Variants in SLC38A6 observed in about 807,000 individuals in gnomAD.
SLC38A6 encodes the protein N system amino acid transporter NAT-1.
In SLC38A6, 73 loss-of-function variants were observed where a neutral mutation model predicts 65.0. That is an observed-to-expected ratio of 1.12 (90% CI 0.93 to 1.37). The LOEUF (loss-of-function observed/expected upper bound fraction) is 1.37. Ranked by LOEUF, SLC38A6 falls within the 40% of genes most tolerant of loss-of-function variation. The pLI is 0.00. For missense variants in SLC38A6, 561 were observed against 531.1 expected, an observed-to-expected ratio of 1.06 and a Z score of -0.55; for synonymous variants, 183 against 178.8, an observed-to-expected ratio of 1.02 and a Z score of -0.19.
chr14:61,025,904 T>C (rs2040585566), intron 5 of SLC38A6, among the ~76,000 whole-genome samples: 1 of 152,162 alleles, frequency 6.6e-6, no homozygotes, highest in African/African-American at 2.4e-5. Context: ...GAAATAAAAT[T>C]GAATCTCTCT....
At chr14:61,027,511 T>C (rs1265491812) in intron 5 of SLC38A6, among the ~76,000 whole-genome samples, 1 of 152,114 alleles carries the variant, frequency 6.6e-6, no homozygotes, top group Non-Finnish European at 1.5e-5. Flanking sequence ...ATAAAAGACA[T>C]AAGACAAAAA....
intron 8 of SLC38A6, among the ~76,000 whole-genome samples, chr14:61,040,160 C>A (rs2041702456): frequency 6.6e-6 from 1 of 151,758 alleles, no homozygotes; most frequent in Non-Finnish European, 1.5e-5. Flanking sequence ...CGTCGGTAAT[C>A]CAGTTAGACA....
chr14:61,000,627 C>T lies in SLC38A6; in HGVS notation c.311-15277C>T, dbSNP rs28452506. Among the ~76,000 whole-genome samples, 800 of 152,230 alleles carry T rather than the reference C, an allele frequency of 5.3e-3. 6 individuals carry two copies. The highest frequency in any genetic ancestry group is 0.017 in the African/African-American group (722 of 41,558). On this transcript the variant is annotated intron_variant, in intron 3 of 15. Transcript: ENST00000267488. ...AGCCTGGGCGACAAGAGTGAAACTC[C>T]ACTTCCAAGGGAAAAAAAAAATTCT...
chr14:61,021,186 G>T (rs564874711), intron 5 of SLC38A6, among the ~76,000 whole-genome samples: 2 of 152,132 alleles, frequency 1.3e-5, no homozygotes, highest in South Asian at 4.1e-4. Context: ...TATTACACCT[G>T]GGAATTGATA....
intron 3 of SLC38A6, among the ~76,000 whole-genome samples, chr14:61,005,988 C>G (rs1292732548): frequency 6.6e-6 from 1 of 152,046 alleles, no homozygotes; most frequent in East Asian, 1.9e-4. Context: ...AGATATAGAT[C>G]AATGGAACAG....
chr14:60,985,319 A>G (rs2037375032), intron 3 of SLC38A6, among the ~76,000 whole-genome samples: 1 of 152,248 alleles, frequency 6.6e-6, no homozygotes, highest in Non-Finnish European at 1.5e-5. Context: ...AGAAATAAGT[A>G]TGTGCAGTTA....
chr14:61,001,560 C>T (rs1166793379), intron 3 of SLC38A6, among the ~76,000 whole-genome samples: 2 of 152,158 alleles, frequency 1.3e-5, no homozygotes, highest in East Asian at 3.9e-4. Context: ...GAACTTAGAA[C>T]AGTTCCCCAC....
At chr14:61,031,602 A>G (rs571361929) in intron 6 of SLC38A6, among the ~76,000 whole-genome samples, 23 of 152,094 alleles carry the variant, frequency 1.5e-4, no homozygotes, top group Non-Finnish European at 3.4e-4. Context: ...TTCCACATGC[A>G]TTATCACATC....
chr14:61,027,403 A>C (rs1006158750), intron 5 of SLC38A6, among the ~76,000 whole-genome samples: 1 of 152,076 alleles, frequency 6.6e-6, no homozygotes, highest in Non-Finnish European at 1.5e-5. Context: ...TTGTTTTAGG[A>C]ATCTATACTA....
intron 3 of SLC38A6, among the ~76,000 whole-genome samples, chr14:61,010,860 A>G (rs1485520414): frequency 1.3e-5 from 2 of 152,186 alleles, no homozygotes; most frequent in African/African-American, 2.4e-5. Flanking sequence ...TGATTTGGCA[A>G]TGCGGGCTCT....
At chr14:60,981,648 A>G (rs2037032626) in intron 1 of SLC38A6, 3 of 1,436,436 alleles carry the variant, frequency 2.1e-6, no homozygotes, top group Non-Finnish European at 2.8e-6. Context: ...AGCTGCGAAC[A>G]TGATGGGATG....
intron 15 of SLC38A6, among the ~76,000 whole-genome samples, chr14:61,074,407 G>C (rs1431790971): frequency 6.6e-6 from 1 of 152,206 alleles, no homozygotes; most frequent in Non-Finnish European, 1.5e-5. Context: ...GTGCTGGCTA[G>C]AATTATTTTG....
intron 15 of SLC38A6, chr14:61,073,726 T>G (rs1377885404): frequency 6.6e-6 from 1 of 152,146 alleles, no homozygotes. Flanking sequence ...ATTTATTTTG[T>G]GACTCACATA....
intron 5 of SLC38A6, among the ~76,000 whole-genome samples, chr14:61,026,986 A>T (rs1019081928): frequency 6.6e-6 from 1 of 151,952 alleles, no homozygotes; most frequent in African/African-American, 2.4e-5. Flanking sequence ...GGCCCAATTC[A>T]TTTATTTCAC....
At chr14:60,988,582 C>A (rs2037630416) in intron 3 of SLC38A6, among the ~76,000 whole-genome samples, 1 of 152,146 alleles carries the variant, frequency 6.6e-6, no homozygotes. Context: ...ACCAAAATAG[C>A]ATTTGTTAGT....
In SLC38A6 at chr14:61,033,345, A is replaced by G. The variant is rs1489223132; in HGVS notation, c.482+2822A>G. Among the ~76,000 whole-genome samples, 7 of 152,172 alleles carry G rather than the reference A, an allele frequency of 4.6e-5. 1 individual carries two copies. In the South Asian group the frequency reaches 1.5e-3, roughly 32 times the overall value. On this transcript the variant is annotated intron_variant, in intron 6 of 15. Transcript: ENST00000267488. Reference sequence around the variant, plus strand: ...CAATACAGCTAAGGATTTATACTCTATATTTCATACTTGGAACATTTTTAT... The same window carrying G: ...CAATACAGCTAAGGATTTATACTCTGTATTTCATACTTGGAACATTTTTAT...
Position 61,004,053 on chromosome 14 carries a change from C to T in SLC38A6, c.311-11851C>T, listed in dbSNP as rs138492541. 2.6e-4 allele frequency among the ~76,000 whole-genome samples: 40 copies of T among 152,222 alleles called. No homozygotes were observed. In the East Asian group the frequency reaches 7.5e-3, roughly 29 times the overall value. ...ATGTATCCCATTATTGTCAGAGTTG[C>T]ATTTCAAACTGTCTTCATTAAACTG... On this transcript the variant is annotated intron_variant, in intron 3 of 15. Transcript: ENST00000267488.
intron 2 of SLC38A6, among the ~76,000 whole-genome samples, chr14:60,984,304 A>G (rs919990897): frequency 3.3e-5 from 5 of 152,218 alleles, no homozygotes; most frequent in African/African-American, 7.2e-5. Context: ...AAGGAGGTCA[A>G]TATCACTGGA....
intron 4 of SLC38A6, among the ~76,000 whole-genome samples, chr14:61,019,024 A>G (rs184812514): frequency 2.6e-5 from 4 of 152,312 alleles, no homozygotes; most frequent in East Asian, 1.9e-4. Flanking sequence ...CATTTTGCCT[A>G]TATTTTCAGG....
Sources: gnomAD v4.1 joint callset for allele counts (sites outside exome capture counted in the v4.1 genomes callset) on GRCh38, gnomAD v4.1.1 for gene constraint, MANE v1.5 for transcripts, NCBI Gene and HGNC (gene_info 2026-07-23, HGNC 2026-07-21) for gene names.